Variants in PSPH observed in about 807,000 individuals in gnomAD.
PSPH encodes phosphoserine phosphatase.
PSPH carries 16 observed loss-of-function variants against 23.4 expected under a neutral mutation model. The ratio of observed to expected loss-of-function variants is 0.68; its 90% confidence interval spans 0.46 to 1.04. PSPH has a LOEUF of 1.04. Ranked by LOEUF, PSPH falls within the 50% of genes least tolerant of loss-of-function variation. The pLI, the probability that PSPH is intolerant of heterozygous loss-of-function variation, is 0.00. For missense variants in PSPH, 223 were observed against 273.7 expected (o/e 0.81, Z 1.31); for synonymous variants, 68 against 99.7 (o/e 0.68, Z 1.89).
At chr7:56,027,974 G>T (rs770643044) in intron 3 of PSPH, among the ~76,000 whole-genome samples, 2 of 150,376 alleles carry the variant, frequency 1.3e-5, no homozygotes, top group Non-Finnish European at 3.0e-5. Flanking sequence ...TGGGAGGATG[G>T]CTTGAGTCCA....
In PSPH at chr7:56,017,190, A is replaced by G. The variant is rs555812999; in HGVS notation, c.421+44T>C. 91 of 1,613,092 alleles carry G rather than the reference A, an allele frequency of 5.6e-5. No homozygotes were observed. The South Asian group carries it at 8.7e-4, about 15-fold the overall frequency. On this transcript the variant is annotated intron_variant, in intron 6 of 7. Coordinates refer to ENST00000275605, the MANE Select transcript of PSPH (RefSeq NM_004577.4). ...AAGACATTACCCAGAATACTGAACA[A>G]TGGAACTGCTAAGAAAGGGAACATG... is the stretch of plus-strand genomic sequence containing the variant.
intron 7 of PSPH, 102 bp downstream of exon 7, chr7:56,014,921 C>G (rs1165034526): frequency 3.2e-6 from 4 of 1,259,406 alleles, no homozygotes; most frequent in Non-Finnish European, 3.2e-6. Context: ...CCAACCTGGG[C>G]AACAAGAGTG....
intron 1 of PSPH, 166 bp from the exon 2 acceptor site, chr7:56,034,272 A>G (rs1791426183): frequency 6.6e-6 from 1 of 152,198 alleles, no homozygotes; most frequent in East Asian, 1.9e-4. Context: ...CAGCCCCTGC[A>G]GTCTGAGAGG....
intron 3 of PSPH, among the ~76,000 whole-genome samples, chr7:56,029,126 C>G (rs920922933): frequency 6.6e-6 from 1 of 152,068 alleles, no homozygotes; most frequent in Non-Finnish European, 1.5e-5. Context: ...ATTTCCTCCT[C>G]TTTTCATTGT....
intron 6 of PSPH, 49 bp downstream of exon 6, chr7:56,017,185 G>A: frequency 6.2e-7 from 1 of 1,612,294 alleles, no homozygotes; most frequent in South Asian, 1.1e-5. Flanking sequence ...CCAGAATACT[G>A]AACAATGGAA....
At chr7:56,041,209 C>CTTTTTT (rs1163943212) in intron 1 of PSPH, among the ~76,000 whole-genome samples, 1 of 130,402 alleles carries the variant, frequency 7.7e-6, no homozygotes, top group Non-Finnish European at 1.6e-5. Context: ...CTCTCTCTCT[C>CTTTTTT]TTTTTTTTTT....
In PSPH at chr7:56,029,978, CAAAAAAAAAAAAAGA is replaced by C. The variant is rs1254376861; in HGVS notation, c.-20+1936_-20+1950del. Among the ~76,000 whole-genome samples, 170 of 53,484 alleles carry C rather than the reference CAAAAAAAAAAAAAGA, an allele frequency of 3.2e-3. 1 individual carries two copies. The highest frequency in any genetic ancestry group is 0.012 in the Middle Eastern group (1 of 86). 35.1% of individuals were successfully genotyped at this position (53,484 alleles called of 152,430 possible). A position where few individuals can be genotyped will look rare whatever the true frequency, so the allele number is the denominator to read the frequency against. Reference sequence around the variant, plus strand: ...TGGGCGACAGAGCGAGACTCCATCTCAAAAAAAAAAAAAGAAAAAAAAAAAAAAGAATACACAGTA... The same window carrying C: ...TGGGCGACAGAGCGAGACTCCATCTCAAAAAAAAAAAAAGAATACACAGTA... On this transcript the variant is annotated intron_variant, in intron 3 of 7. Transcript: ENST00000275605.
intron 1 of PSPH, among the ~76,000 whole-genome samples, chr7:56,047,342 T>C (rs1484992989): frequency 1.3e-5 from 2 of 151,750 alleles, no homozygotes; most frequent in Non-Finnish European, 2.9e-5. Flanking sequence ...AGCTGTGTGA[T>C]TGAGCTACTG....
intron 3 of PSPH, among the ~76,000 whole-genome samples, chr7:56,021,470 G>A (rs566664860): frequency 1.3e-5 from 2 of 150,904 alleles, no homozygotes; most frequent in South Asian, 4.2e-4. Context: ...CCAGGCTGGA[G>A]GGCAGTGGTA....
intron 4 of PSPH, 184 bp from the exon 5 acceptor site, chr7:56,019,918 G>GA: frequency 1.3e-6 from 1 of 759,580 alleles, no homozygotes. Flanking sequence ...AGGATTGCTT[G>GA]AAAATAACAT....
intron 1 of PSPH, among the ~76,000 whole-genome samples, chr7:56,042,790 C>T (rs1792729499): frequency 6.6e-6 from 1 of 151,898 alleles, no homozygotes; most frequent in Non-Finnish European, 1.5e-5. Context: ...TCAGATCCAA[C>T]CTAGGAAACA....
intron 3 of PSPH, among the ~76,000 whole-genome samples, chr7:56,023,978 G>A (rs1013700215): frequency 5.9e-5 from 9 of 151,748 alleles, no homozygotes; most frequent in Non-Finnish European, 1.3e-4. Flanking sequence ...CCAGGCTGGA[G>A]TGCAGTGGCG....
chr7:56,037,419 CCTTT>C (rs1791857988), intron 1 of PSPH, among the ~76,000 whole-genome samples: 1 of 145,852 alleles, frequency 6.9e-6, no homozygotes, highest in South Asian at 2.2e-4. Context: ...GGTTTTCTTT[CCTTT>C]TTTTTTTTTT....
intron 3 of PSPH, among the ~76,000 whole-genome samples, chr7:56,024,114 A>G (rs1366790134): frequency 6.6e-6 from 1 of 151,272 alleles, no homozygotes; most frequent in African/African-American, 2.4e-5. Flanking sequence ...TTTTTAGTAG[A>G]GACGGGGTTT....
chr7:56,049,979 G>A lies in PSPH; in HGVS notation c.-292+1159C>T, dbSNP rs533332162. 7.2e-5 allele frequency among the ~76,000 whole-genome samples: 11 copies of A among 151,958 alleles called. No homozygotes were observed. The East Asian group carries it at 7.8e-4, about 11-fold the overall frequency. On this transcript the variant is annotated intron_variant, in intron 1 of 7. Coordinates refer to ENST00000275605, the MANE Select transcript of PSPH (RefSeq NM_004577.4). ...TTGAACTCCTGACCTCAAGTGATCC[G>A]CCCACCTCGGCTTCCCAAAGTACTG...
intron 3 of PSPH, among the ~76,000 whole-genome samples, chr7:56,025,969 T>C (rs1219301645): frequency 6.6e-6 from 1 of 152,026 alleles, no homozygotes; most frequent in East Asian, 1.9e-4. Context: ...ATATCCCCCA[T>C]GTCATGAAGA....
At chr7:56,018,959 G>T (rs753474188) in intron 5 of PSPH, among the ~76,000 whole-genome samples, 2 of 151,658 alleles carry the variant, frequency 1.3e-5, no homozygotes, top group Non-Finnish European at 2.9e-5. Context: ...GACAAAGTGA[G>T]ACCCTGTCTC....
At chr7:56,044,003 C>G (rs1482422639) in intron 1 of PSPH, among the ~76,000 whole-genome samples, 1 of 152,032 alleles carries the variant, frequency 6.6e-6, no homozygotes, top group Non-Finnish European at 1.5e-5. Context: ...GTTGCCCAGG[C>G]TGAAGTGCAA....
chr7:56,030,451 A>G (rs1217602678), intron 3 of PSPH, among the ~76,000 whole-genome samples: 2 of 152,120 alleles, frequency 1.3e-5, no homozygotes, highest in African/African-American at 4.8e-5. Flanking sequence ...ACAGCCATAA[A>G]AAAGAATGAA....
Sources: gnomAD v4.1 joint callset for allele counts (sites outside exome capture counted in the v4.1 genomes callset) on GRCh38, gnomAD v4.1.1 for gene constraint, MANE v1.5 for transcripts, NCBI Gene and HGNC (gene_info 2026-07-23, HGNC 2026-07-21) for gene names.